Variants in ENPP1 observed in about 807,000 individuals in gnomAD.
The protein encoded by ENPP1 is ectonucleotide pyrophosphatase/phosphodiesterase family member 1.
A neutral mutation model predicts 122.8 loss-of-function variants in ENPP1; 73 were observed. The observed-to-expected ratio is 0.59, with a 90% CI of 0.49 to 0.72. The LOEUF (loss-of-function observed/expected upper bound fraction) is 0.72. Ranked by LOEUF, ENPP1 falls within the 30% of genes least tolerant of loss-of-function variation. The probability of loss-of-function intolerance (pLI) is 0.00; values close to 1 mark genes in which losing one functional copy is unlikely to be tolerated. For missense variants in ENPP1, 978 were observed against 1,128.1 expected (o/e 0.87, Z 1.91); for synonymous variants, 367 against 391.6 (o/e 0.94, Z 0.74).
At chr6:131,888,062 G>A (rs147826230) in intron 24 of ENPP1, among the ~76,000 whole-genome samples, 198 of 151,812 alleles carry the variant, frequency 1.3e-3, no homozygotes, top group African/African-American at 4.6e-3. Flanking sequence ...GGGTTTCGCC[G>A]TGTTGGCCAG....
rs1468595783 is a variant in ENPP1, at chr6:131,808,163, C to T, written c.128C>T (p.Pro43Leu). 8 of 1,454,764 alleles carry T rather than the reference C, an allele frequency of 5.5e-6. No individual in the cohort carries two copies. Among genetic ancestry groups the T allele is most frequent in the Admixed American group, 2.5e-5 (1 of 40,634 alleles). 90.1% of individuals were successfully genotyped at this position (1,454,764 alleles called of 1,614,324 possible). A position where few individuals can be genotyped will look rare whatever the true frequency, so the allele number is the denominator to read the frequency against. ...RSHAAEAPGD[P>L]QAAASLLAPM... ...CACGCTGCCGAGGCGCCCGGGGACC[C>T]GCAGGCGGCCGCGTCCTTGCTGGCC... is the stretch of plus-strand genomic sequence containing the variant. The change falls in exon 1 of 25, where the codon CCG becomes CTG. Residue 43 changes from proline (P) to leucine (L), a missense_variant. Coordinates refer to ENST00000647893, the MANE Select transcript of ENPP1 (RefSeq NM_006208.3).
intron 24 of ENPP1, among the ~76,000 whole-genome samples, chr6:131,889,806 A>C (rs560962339): frequency 7.9e-5 from 12 of 152,320 alleles, no homozygotes; most frequent in African/African-American, 2.6e-4. Flanking sequence ...GTATGTACCC[A>C]GTAATGGGAT....
chr6:131,808,065 G>A lies in ENPP1; in HGVS notation c.30G>A (p.Gly10=), dbSNP rs1196695747. 8 of 967,622 alleles carry A rather than the reference G, an allele frequency of 8.3e-6. No homozygotes were observed. Among genetic ancestry groups the A allele is most frequent in the Non-Finnish European group, 9.8e-6 (8 of 814,112 alleles). The allele number at this position is 967,622 out of a possible 1,614,324, so 59.9% of individuals were successfully genotyped here. Residue 10 remains glycine, a synonymous_variant, in exon 1 of 25, where the codon GGG becomes GGA. Coordinates refer to ENST00000647893, the MANE Select transcript of ENPP1 (RefSeq NM_006208.3). MERDGCAGG[G]SRGGEGGRAP... is the part of the protein sequence containing the mutation. Reference sequence around the variant, plus strand: ...AGCGCGACGGCTGCGCGGGGGGCGGGAGCCGCGGCGGCGAGGGCGGGCGCG... The same window carrying A: ...AGCGCGACGGCTGCGCGGGGGGCGGAAGCCGCGGCGGCGAGGGCGGGCGCG...
chr6:131,857,173 G>T (rs1319622165), intron 6 of ENPP1, among the ~76,000 whole-genome samples: 3 of 151,044 alleles, frequency 2.0e-5, no homozygotes, highest in Non-Finnish European at 4.4e-5. Flanking sequence ...AGGATGTGGA[G>T]AAATAGGAAC....
chr6:131,826,073 T>A, intron 1 of ENPP1: 1 of 777,944 alleles, frequency 1.3e-6, no homozygotes, highest in Non-Finnish European at 2.4e-6. Context: ...CAGCTCTGCT[T>A]TAGGGACTGA....
At position 131,862,632 on chromosome 6, in the gene ENPP1, C is replaced by T. The variant is rs140740644; in HGVS notation, c.1025+928C>T. 9.8e-3 allele frequency among the ~76,000 whole-genome samples: 1,494 copies of T among 152,288 alleles called. 18 individuals carry two copies. Among genetic ancestry groups the T allele is most frequent in the Non-Finnish European group, 0.015 (1,016 of 68,026 alleles). ...ATCAAGTGAGTTTTTCTTGCTATCT[C>T]CTGTTCCTGGGATTGCAAAACTGGT... On this transcript the variant is annotated intron_variant, in intron 9 of 24. Transcript: ENST00000647893.
chr6:131,826,390 A>G, intron 1 of ENPP1: 7 of 985,256 alleles, frequency 7.1e-6, no homozygotes, highest in Non-Finnish European at 1.1e-5. Context: ...CAGATTCTCA[A>G]TATTAATAGG....
At position 131,882,372 on chromosome 6, in the gene ENPP1, A is replaced by G; in HGVS notation, c.2128A>G (p.Asn710Asp). The G allele has an allele frequency of 6.2e-7, 1 of 1,605,742 alleles. No homozygotes were observed. Among genetic ancestry groups the G allele is most frequent in the Non-Finnish European group, 8.5e-7 (1 of 1,174,600 alleles). The change falls in exon 21 of 25, where the codon AAC becomes GAC. Residue 710 changes from asparagine to aspartate, a missense_variant. By Grantham distance (23) the Asn-to-Asp change is conservative. Coordinates refer to ENST00000647893, the MANE Select transcript of ENPP1 (RefSeq NM_006208.3). ...NDSFSTEDFSNCLYQDFRIPL... is the reference protein window; with the variant it reads ...NDSFSTEDFSDCLYQDFRIPL... ...CAGTTTCTCTACGGAAGACTTCTCC[A>G]ACTGTCTGTACCAGGACTTTAGAAT...
chr6:131,847,652 A>AC, intron 1 of ENPP1, 124 bp from the exon 2 acceptor site: 2 of 695,186 alleles, frequency 2.9e-6, no homozygotes, highest in Non-Finnish European at 4.8e-6. Context: ...GTTACAGTGA[A>AC]CTATGATCAT....
intron 5 of ENPP1, among the ~76,000 whole-genome samples, chr6:131,853,676 G>C (rs1024000657): frequency 1.3e-5 from 2 of 152,154 alleles, no homozygotes; most frequent in African/African-American, 4.8e-5. Flanking sequence ...TTGTGTGTGA[G>C]GGTAAGGTGG....
chr6:131,811,384 A>ATATCTATATCTG (rs1368826216), intron 1 of ENPP1, among the ~76,000 whole-genome samples: 7 of 132,396 alleles, frequency 5.3e-5, no homozygotes, highest in Non-Finnish European at 9.1e-5. Flanking sequence ...CTATATATCT[A>ATATCTATATCTG]TATCTATATC....
chr6:131,824,774 T>A (rs891504494), intron 1 of ENPP1, among the ~76,000 whole-genome samples: 2 of 150,936 alleles, frequency 1.3e-5, no homozygotes, highest in Non-Finnish European at 2.9e-5. Context: ...TTAAGAGCAA[T>A]TGGAGGCCGG....
chr6:131,827,785 C>G (rs766570023), intron 1 of ENPP1: 2 of 862,514 alleles, frequency 2.3e-6, no homozygotes, highest in African/African-American at 1.7e-5. Context: ...CTCCAAAGCC[C>G]GCTGCAGGTG....
At chr6:131,842,338 A>C (rs557053486) in intron 1 of ENPP1, among the ~76,000 whole-genome samples, 4 of 152,208 alleles carry the variant, frequency 2.6e-5, no homozygotes, top group Non-Finnish European at 5.9e-5. Context: ...ATGAAGCACC[A>C]TGGCGTATAT....
intron 11 of ENPP1, among the ~76,000 whole-genome samples, chr6:131,865,819 C>A (rs1401832641): frequency 6.6e-6 from 1 of 151,954 alleles, no homozygotes; most frequent in Admixed American, 6.6e-5. Context: ...CATGGCAAAA[C>A]CCTGTCTCTA....
In ENPP1 at chr6:131,890,522, A is replaced by C; in HGVS notation, c.*11A>C. 8 of 1,605,610 alleles carry C rather than the reference A, an allele frequency of 5.0e-6. No homozygotes were observed. The highest frequency in any genetic ancestry group is 6.8e-6 in the Non-Finnish European group (8 of 1,172,198). ...AGCCAAGAAGACTGATATGTTTTTT[A>C]TCCCCAAACACCATGAATCTTTTTG... On this transcript the variant is annotated 3_prime_UTR_variant, in exon 25 of 25. Transcript: ENST00000647893.
Position 131,860,430 on chromosome 6 carries a change from A to G in ENPP1, c.839A>G (p.Tyr280Cys), listed in dbSNP as rs988005268. Residue 280 changes from tyrosine (Y) to cysteine (C), a missense_variant, in exon 8 of 25, where the codon TAT becomes TGT. Tyr to Cys is a radical substitution (Grantham distance 194). Transcript: ENST00000647893. ...ESHGIIDNKM[Y>C]DPKMNASFSL... ...CATGGCATAATCGACAATAAAATGT[A>G]TGATCCCAAAATGAATGCTTCCTTT... 1 of 1,594,676 alleles carries G rather than the reference A, an allele frequency of 6.3e-7. No homozygotes were observed. Among genetic ancestry groups the G allele is most frequent in the African/African-American group, 1.3e-5 (1 of 74,506 alleles).
At chr6:131,829,717 A>C (rs1781586998) in intron 1 of ENPP1, among the ~76,000 whole-genome samples, 1 of 152,240 alleles carries the variant, frequency 6.6e-6, no homozygotes, top group East Asian at 1.9e-4. Flanking sequence ...GAAGAGTAAC[A>C]GAAGGAAGCC....
chr6:131,838,471 A>G (rs549298678), intron 1 of ENPP1, among the ~76,000 whole-genome samples: 7 of 152,260 alleles, frequency 4.6e-5, no homozygotes, highest in Admixed American at 1.3e-4. Context: ...AGTGGTAAAT[A>G]TTTGGTAAGT....
Sources: allele counts gnomAD v4.1 joint callset (sites outside exome capture counted in the v4.1 genomes callset), GRCh38; gene constraint gnomAD v4.1.1; transcripts MANE v1.5; gene names NCBI Gene and HGNC (gene_info 2026-07-23, HGNC 2026-07-21).